Variants in PARD3B observed in about 807,000 individuals in gnomAD.
The protein encoded by PARD3B is par-3 family cell polarity regulator beta.
In PARD3B, 103 loss-of-function variants were observed where a neutral mutation model predicts 130.2. The observed-to-expected ratio is 0.79, with a 90% CI of 0.67 to 0.93. The LOEUF (loss-of-function observed/expected upper bound fraction) is 0.93, where lower values mean the gene tolerates loss of function less well. Ranked by LOEUF, PARD3B falls within the 40% of genes least tolerant of loss-of-function variation. The pLI is 0.00. For synonymous variants in PARD3B, 583 were observed against 553.2 expected, an observed-to-expected ratio of 1.05 and a Z score of -0.76; for missense variants, 1,609 against 1,499.2, an observed-to-expected ratio of 1.07 and a Z score of -1.21.
At chr2:205,597,126 A>G (rs1006922295) in intron 22 of PARD3B, among the ~76,000 whole-genome samples, 1 of 152,092 alleles carries the variant, frequency 6.6e-6, no homozygotes, top group African/African-American at 2.4e-5. Context: ...GGCTTGGATT[A>G]CAAATGAATG....
intron 2 of PARD3B, among the ~76,000 whole-genome samples, chr2:204,828,759 GTATGACCAAATTAATAC>G (rs2043688584): frequency 6.6e-6 from 1 of 151,968 alleles, no homozygotes; most frequent in African/African-American, 2.4e-5. Context: ...CTTTTGCATA[GTATGACCAAATTAATAC>G]TAGCCTCATC....
In PARD3B at chr2:205,195,548, G is replaced by A. The variant is rs192288896; in HGVS notation, c.2140+2228G>A. Among the ~76,000 whole-genome samples, 5 of 152,278 alleles carry A rather than the reference G, an allele frequency of 3.3e-5. No individual in the cohort carries two copies. In the East Asian group the frequency reaches 9.6e-4, roughly 29 times the overall value. On this transcript the variant is annotated intron_variant, in intron 15 of 22. Coordinates refer to ENST00000406610, the MANE Select transcript of PARD3B (RefSeq NM_001302769.2). ...TTCTCAATATGAAATTCACTTAGGT[G>A]ATACCGCAATGGTAAACATTTGAAA...
chr2:205,125,699 A>G lies in PARD3B; in HGVS notation c.1396A>G (p.Ile466Val), dbSNP rs1021004404. 4 of 1,614,044 alleles carry G rather than the reference A, an allele frequency of 2.5e-6. No homozygotes were observed. The highest frequency in any genetic ancestry group is 3.4e-6 in the Non-Finnish European group (4 of 1,180,030). Reference protein sequence around the residue: ...TKQGETASLVIARQEGHFLPR... With the variant: ...TKQGETASLVVARQEGHFLPR... ...GCAGGGGGAGACAGCATCGCTGGTC[A>G]TTGCCCGCCAAGAAGGACATTTTCT... Residue 466 changes from isoleucine (I) to valine (V), a missense_variant, in exon 10 of 23, where the codon ATT becomes GTT. Coordinates refer to ENST00000406610, the MANE Select transcript of PARD3B (RefSeq NM_001302769.2). This position sits in a 1 kb window ranked among gnomAD's most constrained non-coding sequence, Gnocchi z 4.0.
intron 15 of PARD3B, among the ~76,000 whole-genome samples, chr2:205,206,023 A>G (rs1476506931): frequency 2.6e-5 from 4 of 152,126 alleles, no homozygotes; most frequent in South Asian, 2.1e-4. Flanking sequence ...AAGGAATGGT[A>G]TCAGCTCCTC....
intron 2 of PARD3B, among the ~76,000 whole-genome samples, chr2:204,921,901 T>C (rs1429440560): frequency 6.6e-6 from 1 of 152,088 alleles, no homozygotes; most frequent in Admixed American, 6.5e-5. Flanking sequence ...GCAAAAGTTA[T>C]TACAAACTAA....
chr2:205,549,972 G>C (rs1273573901), intron 21 of PARD3B, among the ~76,000 whole-genome samples: 2 of 152,132 alleles, frequency 1.3e-5, no homozygotes, highest in Non-Finnish European at 2.9e-5. Flanking sequence ...AATTGCAGTG[G>C]TGGTGGTAAC....
At chr2:205,387,490 T>A (rs1186954799) in intron 18 of PARD3B, among the ~76,000 whole-genome samples, 1 of 152,188 alleles carries the variant, frequency 6.6e-6, no homozygotes, top group Non-Finnish European at 1.5e-5. Context: ...GATTCTTCCA[T>A]CACTGGATTG....
chr2:204,545,945 C>T lies in PARD3B; in HGVS notation c.-55C>T. The T allele has an allele frequency of 6.8e-7, 1 of 1,473,542 alleles. No individual in the cohort carries two copies. The highest frequency in any genetic ancestry group is 9.0e-7 in the Non-Finnish European group (1 of 1,113,780). The allele number at this position is 1,473,542 out of a possible 1,614,324, so 91.3% of individuals were successfully genotyped here. On this transcript the variant is annotated 5_prime_UTR_variant, in exon 1 of 23. Transcript: ENST00000406610. Reference sequence around the variant, plus strand: ...GCGTCCTCCGAGAGTGGGGGCTGCGCCCGCGGGGTCAGACACCTGTTCGGC... The same window carrying T: ...GCGTCCTCCGAGAGTGGGGGCTGCGTCCGCGGGGTCAGACACCTGTTCGGC...
chr2:205,221,123 G>A (rs2038216010), intron 15 of PARD3B, among the ~76,000 whole-genome samples: 1 of 152,152 alleles, frequency 6.6e-6, no homozygotes, highest in Non-Finnish European at 1.5e-5. Flanking sequence ...ATAGACCATA[G>A]GGACTAAATG....
intron 18 of PARD3B, among the ~76,000 whole-genome samples, chr2:205,369,569 C>T (rs1184812391): frequency 2.0e-5 from 3 of 152,230 alleles, no homozygotes; most frequent in Admixed American, 2.0e-4. Context: ...AATTCTGCTT[C>T]TTCAGTCTGG....
At chr2:204,748,556 T>C (rs2125381443) in intron 2 of PARD3B, among the ~76,000 whole-genome samples, 1 of 152,296 alleles carries the variant, frequency 6.6e-6, no homozygotes, top group African/African-American at 2.4e-5. Flanking sequence ...GGTTGTTTCA[T>C]CTCACAATCT....
intron 2 of PARD3B, among the ~76,000 whole-genome samples, chr2:204,865,473 T>A (rs1433000272): frequency 6.6e-6 from 1 of 152,188 alleles, no homozygotes; most frequent in Non-Finnish European, 1.5e-5. Flanking sequence ...AATGAAATAA[T>A]GGCATTCACA....
rs551170256 is a variant in PARD3B at position 205,345,519 on chromosome 2, G to A, written c.2630+43818G>A. Reference sequence around the variant, plus strand: ...CTTCCTGCTTCTGCTGTTTACTCAAGGTGCCATATTTTGAGGTAGCATGTC... The same window carrying A: ...CTTCCTGCTTCTGCTGTTTACTCAAAGTGCCATATTTTGAGGTAGCATGTC... On this transcript the variant is annotated intron_variant, in intron 18 of 22. Coordinates refer to ENST00000406610, the MANE Select transcript of PARD3B (RefSeq NM_001302769.2). 3.3e-5 allele frequency among the ~76,000 whole-genome samples: 5 copies of A among 152,106 alleles called. No individual in the cohort carries two copies. In the East Asian group the frequency reaches 9.8e-4, roughly 30 times the overall value.
intron 3 of PARD3B, among the ~76,000 whole-genome samples, chr2:205,013,339 AT>A: frequency 6.6e-6 from 1 of 152,244 alleles, no homozygotes; most frequent in Non-Finnish European, 1.5e-5. Context: ...CAAAATCATT[AT>A]TTTTAGATGT....
intron 4 of PARD3B, among the ~76,000 whole-genome samples, chr2:205,093,463 G>A (rs1293348937): frequency 3.3e-5 from 5 of 152,128 alleles, no homozygotes; most frequent in African/African-American, 1.2e-4. Flanking sequence ...TGGCACTGAA[G>A]AGGGAGATTG....
intron 19 of PARD3B, among the ~76,000 whole-genome samples, chr2:205,433,808 A>T (rs1028977992): frequency 1.3e-5 from 2 of 152,158 alleles, no homozygotes; most frequent in Non-Finnish European, 2.9e-5. Flanking sequence ...TTTAAGATTC[A>T]TCCCTGCTGT....
intron 2 of PARD3B, among the ~76,000 whole-genome samples, chr2:204,840,308 A>C (rs2044213334): frequency 6.6e-6 from 1 of 152,170 alleles, no homozygotes; most frequent in Non-Finnish European, 1.5e-5. Flanking sequence ...GCAATATTTT[A>C]GGAAAACTTT....
chr2:205,101,849 T>C (rs572902270), intron 4 of PARD3B, among the ~76,000 whole-genome samples: 2 of 152,164 alleles, frequency 1.3e-5, no homozygotes, highest in Non-Finnish European at 2.9e-5. Flanking sequence ...AGATTAATGA[T>C]TGACAGGGCC....
intron 2 of PARD3B, among the ~76,000 whole-genome samples, chr2:204,741,982 A>G (rs893438082): frequency 2.0e-5 from 3 of 152,146 alleles, no homozygotes; most frequent in African/African-American, 7.2e-5. Flanking sequence ...TTACCTGGGA[A>G]CTTACTATGA....
Sources: allele counts gnomAD v4.1 joint callset (sites outside exome capture counted in the v4.1 genomes callset), GRCh38; gene constraint gnomAD v4.1.1; non-coding constraint Gnocchi (gnomAD v3.1); transcripts MANE v1.5; gene names NCBI Gene and HGNC (gene_info 2026-07-23, HGNC 2026-07-21).